CYP20A1: variants seen among roughly 807,000 people sequenced by gnomAD.
CYP20A1 encodes cytochrome P450 20A1.
In CYP20A1, 61 loss-of-function variants were observed where a neutral mutation model predicts 61.4. That is an observed-to-expected ratio of 0.99 (90% confidence interval 0.81 to 1.23). The LOEUF (loss-of-function observed/expected upper bound fraction) is 1.23. CYP20A1 is among the 50% of genes most tolerant of loss of function. The pLI is 0.00. For synonymous variants in CYP20A1, 193 were observed against 188.2 expected, an observed-to-expected ratio of 1.03 and a Z score of -0.21; for missense variants, 530 against 542.4, an observed-to-expected ratio of 0.98 and a Z score of 0.23.
Position 203,299,000 on chromosome 2 carries a change from A to C in CYP20A1, c.*2092A>C, listed in dbSNP as rs896099481. On this transcript the variant is annotated 3_prime_UTR_variant, in exon 13 of 13. Coordinates refer to ENST00000356079, the MANE Select transcript of CYP20A1 (RefSeq NM_177538.3). ...CAGTGAGCTGATGTTGTGCTAGTGC[A>C]CTCCAGCCTGGGCGACAGGGCTGAG... is the stretch of plus-strand genomic sequence containing the variant. Among the ~76,000 whole-genome samples, 3 of 151,964 alleles carry C rather than the reference A, an allele frequency of 2.0e-5. No individual in the cohort carries two copies. The highest frequency in any genetic ancestry group is 4.4e-5 in the Non-Finnish European group (3 of 67,998).
intron 1 of CYP20A1, 67 bp downstream of exon 1, chr2:203,239,201 G>C (rs1240808248): frequency 7.4e-7 from 1 of 1,356,710 alleles, no homozygotes; most frequent in African/African-American, 1.4e-5. Flanking sequence ...CGGCATCCAG[G>C]CCAACCTGCC....
chr2:203,294,824 G>A (rs1433796163), intron 11 of CYP20A1, among the ~76,000 whole-genome samples: 5 of 151,164 alleles, frequency 3.3e-5, no homozygotes, highest in East Asian at 3.9e-4. Context: ...TAGTAGAGAC[G>A]GGGTTTCACC....
At chr2:203,288,527 AC>A (rs950412476) in intron 9 of CYP20A1, among the ~76,000 whole-genome samples, 5 of 151,884 alleles carry the variant, frequency 3.3e-5, no homozygotes, top group African/African-American at 1.2e-4. Flanking sequence ...TAGATTCTGA[AC>A]CCCTTTGATG....
At chr2:203,277,053 A>G (rs2067849894) in intron 6 of CYP20A1, among the ~76,000 whole-genome samples, 1 of 152,180 alleles carries the variant, frequency 6.6e-6, no homozygotes. Context: ...GAACCACATG[A>G]AAAAGTGTTT....
rs1432231537 is a variant in CYP20A1 at position 203,296,464 on chromosome 2, T to G, written c.1149-10T>G. 6.3e-7 allele frequency: 1 copy of G among 1,595,062 alleles called. No individual in the cohort carries two copies. Among genetic ancestry groups the G allele is most frequent in the African/African-American group, 1.3e-5 (1 of 74,544 alleles). On this transcript the variant is annotated splice_polypyrimidine_tract_variant and intron_variant, in intron 11 of 12. Coordinates refer to ENST00000356079, the MANE Select transcript of CYP20A1 (RefSeq NM_177538.3). ...GCTATATTGTGATTAACCTCAAATT[T>G]TCTTTGTAGGTTTGATCCAGATCGG...
chr2:203,293,061 C>T (rs1484872943), intron 11 of CYP20A1, among the ~76,000 whole-genome samples: 1 of 151,338 alleles, frequency 6.6e-6, no homozygotes, highest in African/African-American at 2.4e-5. Flanking sequence ...GTAATGCCAG[C>T]TACTCGGGAG....
Position 203,306,010 on chromosome 2 carries a change from A to G in CYP20A1, c.*9102A>G, listed in dbSNP as rs1490171029. ...ATAATATAGTACTATACAAAATACAACTAAAATAGTTGGTAACCAAGTAGT... is the reference window on the plus strand; with the variant it reads ...ATAATATAGTACTATACAAAATACAGCTAAAATAGTTGGTAACCAAGTAGT... On this transcript the variant is annotated 3_prime_UTR_variant, in exon 13 of 13. Coordinates refer to ENST00000356079, the MANE Select transcript of CYP20A1 (RefSeq NM_177538.3). Among the ~76,000 whole-genome samples the G allele has an allele frequency of 6.6e-6, 1 of 152,146 alleles. No homozygotes were observed. Among genetic ancestry groups the G allele is most frequent in the African/African-American group, 2.4e-5 (1 of 41,432 alleles).
chr2:203,281,433 C>T (rs1392359151), intron 8 of CYP20A1, among the ~76,000 whole-genome samples: 2 of 151,982 alleles, frequency 1.3e-5, no homozygotes, highest in Non-Finnish European at 1.5e-5. Context: ...CACCTAAGCC[C>T]AGGAGGTTGA....
At chr2:203,275,398 T>A (rs1442464943) in intron 6 of CYP20A1, among the ~76,000 whole-genome samples, 2 of 152,202 alleles carry the variant, frequency 1.3e-5, no homozygotes, top group African/African-American at 4.8e-5. Flanking sequence ...TGGGAACAAC[T>A]TCTTTATAGT....
rs1352823025 is a variant in CYP20A1 at position 203,271,052 on chromosome 2, G to GTATATATATATATATATATATATATATA, written c.601-1617_601-1616insATATATATATATATATATATATATATAT. Among the ~76,000 whole-genome samples the GTATATATATATATATATATATATATATA allele has an allele frequency of 8.7e-5, 4 of 45,758 alleles. 1 individual carries two copies. Among genetic ancestry groups the GTATATATATATATATATATATATATATA allele is most frequent in the African/African-American group, 1.4e-4 (2 of 14,442 alleles). The allele number at this position is 45,758 out of a possible 152,430, so 30.0% of individuals were successfully genotyped here. ...AGTGTATATATATATATATGTATAT[G>GTATATATATATATATATATATATATATA]TGTATATATATATATATATATATAT... On this transcript the variant is annotated intron_variant, in intron 5 of 12. Transcript: ENST00000356079.
At chr2:203,266,734 C>A in intron 5 of CYP20A1, 53 bp downstream of exon 5, 1 of 1,490,534 alleles carries the variant, frequency 6.7e-7, no homozygotes, top group South Asian at 1.1e-5. Context: ...CACGGCAGCT[C>A]ACACCTGTAA....
chr2:203,275,210 G>A (rs2067765273), intron 6 of CYP20A1, among the ~76,000 whole-genome samples: 1 of 152,186 alleles, frequency 6.6e-6, no homozygotes, highest in Non-Finnish European at 1.5e-5. Context: ...TAATGTACTT[G>A]TAGGGTTGAG....
At chr2:203,252,178 G>A (rs987418376) in intron 4 of CYP20A1, 69 bp downstream of exon 4, 22 of 1,229,902 alleles carry the variant, frequency 1.8e-5, no homozygotes, top group African/African-American at 4.6e-5. Flanking sequence ...TTGAGTATTG[G>A]TGTGTACTAT....
At chr2:203,281,435 G>A (rs909138964) in intron 8 of CYP20A1, among the ~76,000 whole-genome samples, 4 of 152,112 alleles carry the variant, frequency 2.6e-5, no homozygotes, top group Non-Finnish European at 4.4e-5. Context: ...CCTAAGCCCA[G>A]GAGGTTGAGG....
intron 3 of CYP20A1, among the ~76,000 whole-genome samples, chr2:203,247,860 A>T (rs2066515935): frequency 6.6e-6 from 1 of 152,052 alleles, no homozygotes; most frequent in African/African-American, 2.4e-5. Flanking sequence ...CCATCTCCAA[A>T]AAACACAGAA....
intron 7 of CYP20A1, 107 bp from the exon 8 acceptor site, chr2:203,279,951 AC>A (rs1671785109): frequency 4.6e-6 from 3 of 651,776 alleles, no homozygotes; most frequent in African/African-American, 1.9e-5. Context: ...GAAATAATAT[AC>A]TTTTTTTTTC....
chr2:203,250,646 AGT>A (rs768646758), intron 3 of CYP20A1, among the ~76,000 whole-genome samples: 2 of 152,244 alleles, frequency 1.3e-5, no homozygotes, highest in Non-Finnish European at 2.9e-5. Flanking sequence ...AATGTTGGAG[AGT>A]GAGGGAAGTA....
intron 8 of CYP20A1, among the ~76,000 whole-genome samples, chr2:203,285,189 G>C (rs1478347914): frequency 1.7e-4 from 26 of 152,084 alleles, no homozygotes. Flanking sequence ...AGCTTGATTT[G>C]TCTGAATTAT....
Position 203,286,333 on chromosome 2 carries a change from A to G in CYP20A1, c.971+601A>G, listed in dbSNP as rs1055596777. Among the ~76,000 whole-genome samples the G allele has an allele frequency of 3.9e-5, 6 of 152,166 alleles. 1 individual carries two copies. The East Asian group carries it at 5.8e-4, about 15-fold the overall frequency. Reference sequence around the variant, plus strand: ...ATATGATAGGCTCTTAAAAAGTTCAACATACACTTATATGACCCAGCAGTT... The same window carrying G: ...ATATGATAGGCTCTTAAAAAGTTCAGCATACACTTATATGACCCAGCAGTT... On this transcript the variant is annotated intron_variant, in intron 9 of 12. Transcript: ENST00000356079.
Sources: gnomAD v4.1 joint callset for allele counts (sites outside exome capture counted in the v4.1 genomes callset) on GRCh38, gnomAD v4.1.1 for gene constraint, MANE v1.5 for transcripts, NCBI Gene and HGNC (gene_info 2026-07-23, HGNC 2026-07-21) for gene names.